The following ERBB4 variants were observed in gnomAD, a reference collection of about 807,000 sequenced individuals.
ERBB4 encodes the protein receptor tyrosine-protein kinase erbB-4.
Under a neutral mutation model 158.0 loss-of-function variants are expected in ERBB4, and 42 were observed. The observed-to-expected ratio is 0.27, with a 90% CI of 0.21 to 0.34. The LOEUF is 0.34. ERBB4 is among the 10% of genes least tolerant of loss of function. The pLI is 1.00. For missense variants in ERBB4, 1,333 were observed against 1,624.1 expected, an observed-to-expected ratio of 0.82 and a Z score of 3.08; for synonymous variants, 583 against 558.7, an observed-to-expected ratio of 1.04 and a Z score of -0.61.
chr2:211,825,246 A>T (rs2077076858), intron 3 of ERBB4, among the ~76,000 whole-genome samples: 1 of 151,882 alleles, frequency 6.6e-6, no homozygotes, highest in Admixed American at 6.6e-5. Flanking sequence ...CATCATCATA[A>T]TGATAATAAG....
At chr2:212,499,331 T>C (rs2106233189) in intron 1 of ERBB4, among the ~76,000 whole-genome samples, 1 of 152,174 alleles carries the variant, frequency 6.6e-6, no homozygotes, top group African/African-American at 2.4e-5. Flanking sequence ...TAAATCTCTG[T>C]GAATCCTTTC....
chr2:211,773,625 T>TA (rs1178429271), intron 4 of ERBB4, among the ~76,000 whole-genome samples: 60 of 62,202 alleles, frequency 9.6e-4, no homozygotes, highest in African/African-American at 3.9e-3. Flanking sequence ...TATATATATA[T>TA]ATATATATAT....
intron 2 of ERBB4, among the ~76,000 whole-genome samples, chr2:212,102,712 TATA>T (rs1383176161): frequency 6.6e-6 from 1 of 152,150 alleles, no homozygotes; most frequent in Non-Finnish European, 1.5e-5. Context: ...GCATCTCAAA[TATA>T]ATATTTCCTA....
chr2:212,165,696 A>G (rs1033727446), intron 1 of ERBB4, among the ~76,000 whole-genome samples: 1 of 152,004 alleles, frequency 6.6e-6, no homozygotes, highest in East Asian at 1.9e-4. Flanking sequence ...AACCATAGAA[A>G]TATTAAAAGG....
chr2:212,319,881 A>G (rs1254926684), intron 1 of ERBB4, among the ~76,000 whole-genome samples: 1 of 150,236 alleles, frequency 6.7e-6, no homozygotes, highest in East Asian at 2.0e-4. Context: ...TTATCAAGAT[A>G]ACTTCATGTC....
intron 3 of ERBB4, among the ~76,000 whole-genome samples, chr2:211,848,507 T>C (rs1211785549): frequency 2.0e-5 from 3 of 152,056 alleles, no homozygotes; most frequent in Admixed American, 6.6e-5. Flanking sequence ...ACCACCTGAC[T>C]TAGGGACTGC....
chr2:212,273,607 A>T (rs1296854070), intron 1 of ERBB4, among the ~76,000 whole-genome samples: 1 of 151,850 alleles, frequency 6.6e-6, no homozygotes, highest in Non-Finnish European at 1.5e-5. Flanking sequence ...CTCATCATAA[A>T]GTAACATTCA....
intron 3 of ERBB4, among the ~76,000 whole-genome samples, chr2:211,899,606 TA>T (rs2079182384): frequency 6.6e-6 from 1 of 152,138 alleles, no homozygotes; most frequent in Non-Finnish European, 1.5e-5. Flanking sequence ...TTACATTTGA[TA>T]AAAAGTTTGT....
At chr2:211,872,527 T>C (rs2078378834) in intron 3 of ERBB4, among the ~76,000 whole-genome samples, 1 of 152,184 alleles carries the variant, frequency 6.6e-6, no homozygotes, top group Admixed American at 6.5e-5. Context: ...ATAAAATAGA[T>C]TTCCAAATTA....
At chr2:211,796,080 A>T (rs2076376236) in intron 3 of ERBB4, among the ~76,000 whole-genome samples, 1 of 151,868 alleles carries the variant, frequency 6.6e-6, no homozygotes, top group Admixed American at 6.6e-5. Context: ...ACTTTTACAA[A>T]CTGAACACAC....
intron 1 of ERBB4, among the ~76,000 whole-genome samples, chr2:212,146,437 T>C (rs1015187650): frequency 2.0e-5 from 3 of 152,202 alleles, no homozygotes; most frequent in African/African-American, 7.2e-5. Flanking sequence ...GCTAAGCTAG[T>C]AGAAAAACAA....
At chr2:211,496,861 G>T (rs6747696) in intron 20 of ERBB4, among the ~76,000 whole-genome samples, 3,299 of 152,154 alleles carry the variant, frequency 0.022, 121 homozygotes, top group African/African-American at 0.073. Flanking sequence ...CATGCCTTTT[G>T]TCAAGTATTC....
intron 1 of ERBB4, among the ~76,000 whole-genome samples, chr2:212,235,536 T>C (rs192283257): frequency 2.0e-5 from 3 of 152,332 alleles, no homozygotes; most frequent in East Asian, 1.9e-4. Flanking sequence ...GGGGATGGCA[T>C]TGAATCTATA....
At chr2:212,021,644 T>C (rs1038867068) in intron 2 of ERBB4, among the ~76,000 whole-genome samples, 1 of 152,006 alleles carries the variant, frequency 6.6e-6, no homozygotes, top group Non-Finnish European at 1.5e-5. Flanking sequence ...GGCAATACCA[T>C]TCAGGACATG....
At chr2:212,073,789 A>T (rs976998502) in intron 2 of ERBB4, among the ~76,000 whole-genome samples, 2 of 151,338 alleles carry the variant, frequency 1.3e-5, no homozygotes, top group African/African-American at 4.9e-5. Flanking sequence ...TGGAGGCTAT[A>T]CTTACACAAT....
At chr2:212,462,969 G>A (rs975446197) in intron 1 of ERBB4, among the ~76,000 whole-genome samples, 4 of 152,198 alleles carry the variant, frequency 2.6e-5, no homozygotes, top group South Asian at 2.1e-4. Flanking sequence ...GATGAGCCAG[G>A]AAGAAATTAT....
intron 3 of ERBB4, among the ~76,000 whole-genome samples, chr2:211,824,668 G>T (rs553536802): frequency 7.1e-6 from 1 of 141,720 alleles, no homozygotes; most frequent in South Asian, 2.4e-4. Context: ...ATTTACAATA[G>T]AAAAGAAATG....
At chr2:211,628,820 C>T (rs1219601368) in intron 17 of ERBB4, among the ~76,000 whole-genome samples, 1 of 152,172 alleles carries the variant, frequency 6.6e-6, no homozygotes, top group Non-Finnish European at 1.5e-5. Flanking sequence ...TCCACATCCT[C>T]TCCAGCACCT....
At chr2:211,544,422 TA>T (rs1244603507) in intron 20 of ERBB4, among the ~76,000 whole-genome samples, 1 of 151,996 alleles carries the variant, frequency 6.6e-6, no homozygotes, top group African/African-American at 2.4e-5. Context: ...GCCCCACTCG[TA>T]GAGTTATACA....
Sources: allele counts gnomAD v4.1 joint callset (sites outside exome capture counted in the v4.1 genomes callset), GRCh38; gene constraint gnomAD v4.1.1; transcripts MANE v1.5; gene names NCBI Gene and HGNC (gene_info 2026-07-23, HGNC 2026-07-21).